The following ADGRL3 variants were observed in gnomAD, a reference collection of about 807,000 sequenced individuals.
The protein encoded by ADGRL3 is calcium-independent alpha-latrotoxin receptor 3.
A neutral mutation model predicts 153.5 loss-of-function variants in ADGRL3; 62 were observed. The observed-to-expected ratio is 0.40, with a 90% CI of 0.33 to 0.50. The LOEUF (loss-of-function observed/expected upper bound fraction) is 0.50. ADGRL3 is among the 20% of genes least tolerant of loss of function. The pLI, the probability that ADGRL3 is intolerant of heterozygous loss-of-function variation, is 0.47. For missense variants in ADGRL3, 1,641 were observed against 1,859.4 expected, an observed-to-expected ratio of 0.88 and a Z score of 2.16; for synonymous variants, 710 against 672.5, an observed-to-expected ratio of 1.06 and a Z score of -0.86.
chr4:61,592,641 T>G (rs935989276), intron 5 of ADGRL3, among the ~76,000 whole-genome samples: 1 of 152,198 alleles, frequency 6.6e-6, no homozygotes, highest in East Asian at 1.9e-4. Flanking sequence ...TACTTATTTC[T>G]TCTCCTCTAA....
chr4:61,645,251 T>A (rs2093915972), intron 5 of ADGRL3, among the ~76,000 whole-genome samples: 1 of 152,182 alleles, frequency 6.6e-6, no homozygotes, highest in Non-Finnish European at 1.5e-5. Context: ...TTTGCCAGTC[T>A]GTGTCTTTTA....
intron 1 of ADGRL3, among the ~76,000 whole-genome samples, chr4:61,347,725 A>G (rs1371175971): frequency 6.6e-6 from 1 of 152,146 alleles, no homozygotes; most frequent in Non-Finnish European, 1.5e-5. Flanking sequence ...GAATCAAAAG[A>G]GAAGGATTAA....
In ADGRL3 at chr4:61,926,303, A is replaced by AC. The variant is rs576682469; in HGVS notation, c.2113-8536dup. Among the ~76,000 whole-genome samples the AC allele has an allele frequency of 3.7e-4, 56 of 152,264 alleles. 2 individuals are homozygous for AC. Among genetic ancestry groups the AC allele is most frequent in the Admixed American group, 3.3e-3 (51 of 15,282 alleles). On this transcript the variant is annotated intron_variant, in intron 13 of 26. Coordinates refer to ENST00000683033, the MANE Select transcript of ADGRL3 (RefSeq NM_001387552.1). ...GTAGGCAACCTGAATTTACTATGTT[A>AC]CTCATACTGTCCACCCACACATATA...
At chr4:61,960,210 A>G (rs1214878232) in intron 17 of ADGRL3, among the ~76,000 whole-genome samples, 1 of 152,142 alleles carries the variant, frequency 6.6e-6, no homozygotes, top group Non-Finnish European at 1.5e-5. Context: ...GAAATTATGT[A>G]TTTGCTAGTA....
At chr4:61,658,213 A>AT (rs1349706598) in intron 5 of ADGRL3, among the ~76,000 whole-genome samples, 1 of 152,086 alleles carries the variant, frequency 6.6e-6, no homozygotes, top group African/African-American at 2.4e-5. Flanking sequence ...TCCACCTTAA[A>AT]TATTTCTTGA....
In ADGRL3 at chr4:61,675,258, A is replaced by C. The variant is rs1341236975; in HGVS notation, c.474-1568A>C. ...TGCAAGTATTCTGAGGTCACATCAGAGAACAGAACATCTCCTTAAGGAATT... is the reference window on the plus strand; with the variant it reads ...TGCAAGTATTCTGAGGTCACATCAGCGAACAGAACATCTCCTTAAGGAATT... On this transcript the variant is annotated intron_variant, in intron 5 of 26. Transcript: ENST00000683033. 2.0e-5 allele frequency among the ~76,000 whole-genome samples: 3 copies of C among 151,942 alleles called. No individual in the cohort carries two copies. In the East Asian group the frequency reaches 5.8e-4, roughly 29 times the overall value.
At chr4:61,817,154 C>T (rs918389215) in intron 9 of ADGRL3, among the ~76,000 whole-genome samples, 8 of 149,136 alleles carry the variant, frequency 5.4e-5, no homozygotes, top group Non-Finnish European at 1.1e-4. Context: ...TGCAGACCCC[C>T]CCCCCCCCAC....
intron 23 of ADGRL3, among the ~76,000 whole-genome samples, chr4:62,032,632 T>G (rs1581976296): frequency 1.3e-5 from 2 of 151,844 alleles, no homozygotes; most frequent in East Asian, 3.9e-4. Flanking sequence ...CTTATAATTT[T>G]TCTTTGGAAA....
chr4:62,011,439 C>G (rs751483929), intron 21 of ADGRL3, among the ~76,000 whole-genome samples: 5 of 151,766 alleles, frequency 3.3e-5, no homozygotes, highest in Non-Finnish European at 7.4e-5. Context: ...GTGGGTGTCT[C>G]TATGTCTTAG....
intron 8 of ADGRL3, among the ~76,000 whole-genome samples, chr4:61,758,894 G>T (rs1443083932): frequency 6.6e-6 from 1 of 152,184 alleles, no homozygotes. Flanking sequence ...GAATCTCTCA[G>T]CATTTGCTAG....
chr4:61,660,876 T>C (rs2094574117), intron 5 of ADGRL3, among the ~76,000 whole-genome samples: 1 of 152,112 alleles, frequency 6.6e-6, no homozygotes, highest in African/African-American at 2.4e-5. Flanking sequence ...GAATCTAAAT[T>C]AAAAACGTTA....
intron 3 of ADGRL3, among the ~76,000 whole-genome samples, chr4:61,509,028 C>T (rs115017273): frequency 0.011 from 1,659 of 151,902 alleles, 30 homozygotes; most frequent in African/African-American, 0.038. Context: ...ATGATTCAAA[C>T]GATCCCACGG....
intron 11 of ADGRL3, among the ~76,000 whole-genome samples, chr4:61,900,066 G>A (rs1010451930): frequency 6.6e-6 from 1 of 152,150 alleles, no homozygotes; most frequent in Non-Finnish European, 1.5e-5. Context: ...AAAGAGCACT[G>A]ACTTGAGGAT....
intron 1 of ADGRL3, among the ~76,000 whole-genome samples, chr4:61,231,105 G>A (rs988664106): frequency 6.6e-6 from 1 of 152,172 alleles, no homozygotes; most frequent in African/African-American, 2.4e-5. Context: ...CCAGTTTTTT[G>A]GGAGTGGATC....
At chr4:61,767,659 T>C (rs1561214959) in intron 8 of ADGRL3, among the ~76,000 whole-genome samples, 1 of 152,118 alleles carries the variant, frequency 6.6e-6, no homozygotes, top group Admixed American at 6.5e-5. Context: ...AGTCCAATTT[T>C]CAGTGGGGTC....
chr4:61,242,525 A>G (rs560386435), intron 1 of ADGRL3, among the ~76,000 whole-genome samples: 294 of 152,110 alleles, frequency 1.9e-3, no homozygotes, highest in Admixed American at 2.9e-3. Context: ...TAAACATTAC[A>G]TCCCCTATCT....
intron 2 of ADGRL3, among the ~76,000 whole-genome samples, chr4:61,490,704 A>C (rs1210545162): frequency 2.0e-5 from 3 of 151,942 alleles, no homozygotes; most frequent in Non-Finnish European, 4.4e-5. Context: ...TATTGAAAAA[A>C]AAAAAAGAAA....
chr4:61,532,306 C>T lies in ADGRL3; in HGVS notation c.259+14788C>T, dbSNP rs145795352. On this transcript the variant is annotated intron_variant, in intron 4 of 26. Transcript: ENST00000683033. ...GACTTGGAGTGGGAAAAAACTTTAT[C>T]AGCAAGATCATTAATAACTTGGGAC... 8.3e-4 allele frequency among the ~76,000 whole-genome samples: 126 copies of T among 152,262 alleles called. No homozygotes were observed. The East Asian group carries it at 0.015, about 18-fold the overall frequency.
intron 1 of ADGRL3, among the ~76,000 whole-genome samples, chr4:61,372,649 G>A (rs566041625): frequency 7.9e-5 from 12 of 152,160 alleles, no homozygotes; most frequent in African/African-American, 1.7e-4. Context: ...AGACAAGGAC[G>A]TTTAAGTCTG....
Sources: gnomAD v4.1 joint callset for allele counts (sites outside exome capture counted in the v4.1 genomes callset) on GRCh38, gnomAD v4.1.1 for gene constraint, MANE v1.5 for transcripts, NCBI Gene and HGNC (gene_info 2026-07-23, HGNC 2026-07-21) for gene names.